VRTN: variants seen among roughly 807,000 people sequenced by gnomAD.
VRTN encodes vertebrae development associated.
In VRTN, 5 loss-of-function variants were observed where a neutral mutation model predicts 18.2. The observed-to-expected ratio is 0.27, with a 90% CI of 0.14 to 0.58. The LOEUF is 0.58. Ranked by LOEUF, VRTN falls within the 20% of genes least tolerant of loss-of-function variation. VRTN has a pLI of 0.91. For missense variants in VRTN, 741 were observed against 939.4 expected (o/e 0.79, Z 2.76); for synonymous variants, 381 against 393.7 (o/e 0.97, Z 0.38).
intron 1 of VRTN, among the ~76,000 whole-genome samples, chr14:74,324,906 C>CAATA (rs548370565): frequency 3.7e-3 from 562 of 151,384 alleles, no homozygotes; most frequent in African/African-American, 0.012. Context: ...ATAATAAATA[C>CAATA]AATAAATAAA....
At chr14:74,319,574 AGATTAT>A (rs200242418) in intron 1 of VRTN, among the ~76,000 whole-genome samples, 2,603 of 152,310 alleles carry the variant, frequency 0.017, 79 homozygotes, top group Admixed American at 0.088. Flanking sequence ...GGGAAAGAAC[AGATTAT>A]GTGTGAGGAA....
chr14:74,320,249 CTTTTTTTTTTTTTT>C (rs71115982), intron 1 of VRTN, among the ~76,000 whole-genome samples: 2 of 72,690 alleles, frequency 2.8e-5, no homozygotes, highest in African/African-American at 1.3e-4. Context: ...GATCCCATCC[CTTTTTTTTTTTTTT>C]TTTTTTTTTT....
intron 1 of VRTN, among the ~76,000 whole-genome samples, chr14:74,312,566 T>C (rs943940005): frequency 6.6e-6 from 1 of 152,000 alleles, no homozygotes; most frequent in African/African-American, 2.4e-5. Context: ...TCCTTCCACC[T>C]CAGCCTCCCG....
In VRTN at chr14:74,333,721, T is replaced by G. The variant is rs184873781; in HGVS notation, c.-163-4002T>G. ...CAGGCATGGTGGCGCATGCCTGTAA[T>G]TCCTGCTACTCTGGAGGCTGAGGTA... is the stretch of plus-strand genomic sequence containing the variant. On this transcript the variant is annotated intron_variant, in intron 1 of 2. Transcript: ENST00000557177. 4.8e-3 allele frequency among the ~76,000 whole-genome samples: 726 copies of G among 150,712 alleles called. 4 individuals carry two copies. Among genetic ancestry groups the G allele is most frequent in the African/African-American group, 0.017 (691 of 40,994 alleles).
chr14:74,303,058 C>T (rs2085138524), upstream of VRTN: 1 of 847,906 alleles, frequency 1.2e-6, no homozygotes, highest in African/African-American at 1.8e-5. Context: ...CCGGAAGCGA[C>T]CGACGTCTCT....
intron 1 of VRTN, among the ~76,000 whole-genome samples, chr14:74,337,236 G>C (rs1181431448): frequency 6.6e-6 from 1 of 152,028 alleles, no homozygotes; most frequent in South Asian, 2.1e-4. Flanking sequence ...CCAGCTATTC[G>C]GGAAGCTGAG....
chr14:74,317,708 A>G (rs914160515), intron 1 of VRTN, among the ~76,000 whole-genome samples: 6 of 152,152 alleles, frequency 3.9e-5, no homozygotes, highest in African/African-American at 1.4e-4. Context: ...AGGCTGAGGC[A>G]TGAGAATCAC....
intron 1 of VRTN, among the ~76,000 whole-genome samples, chr14:74,315,391 C>T (rs2085413990): frequency 6.6e-6 from 1 of 152,046 alleles, no homozygotes; most frequent in South Asian, 2.1e-4. Context: ...AGTGATAATT[C>T]GTTCAACATT....
rs146134450 is a variant in VRTN, at chr14:74,324,589, A to G, written c.-163-13134A>G. Among the ~76,000 whole-genome samples, 581 of 151,582 alleles carry G rather than the reference A, an allele frequency of 3.8e-3. 1 individual carries two copies. The highest frequency in any genetic ancestry group is 6.9e-3 in the South Asian group (33 of 4,794). ...CCCAAAGAGAGGGTTAATGGGGGAC[A>G]TTTAAATTCTCATTCAGGCCGGGTG... On this transcript the variant is annotated intron_variant, in intron 1 of 2. Coordinates refer to the VRTN transcript ENST00000557177.
rs755174109 is a variant in VRTN, at chr14:74,357,422, C to T, written c.639C>T (p.His213=). 2.6e-5 allele frequency: 42 copies of T among 1,612,774 alleles called. No homozygotes were observed. Among genetic ancestry groups the T allele is most frequent in the East Asian group, 8.9e-5 (4 of 44,862 alleles). The change falls in exon 2 of 2, where the codon CAC becomes CAT. Residue 213 remains histidine (H), a synonymous_variant. Transcript: ENST00000256362. The surrounding 1 kb of genome is among the most constrained non-coding windows in gnomAD (Gnocchi z 7.8). ...TCATCCGGCCCCGCCGCTGCGACCA[C>T]GTGCCCTCCACGCTGCACATCATGT... is the stretch of plus-strand genomic sequence containing the variant. The part of the protein sequence containing the change: ...NRVIRPRRCD[H]VPSTLHIMWA...
chr14:74,325,202 G>T (rs964126962), intron 1 of VRTN, among the ~76,000 whole-genome samples: 1 of 152,158 alleles, frequency 6.6e-6, no homozygotes, highest in Non-Finnish European at 1.5e-5. Context: ...GAGAAAATCA[G>T]CCTATACAGG....
At chr14:74,331,544 T>TTATATATGTA (rs2085524876) in intron 1 of VRTN, among the ~76,000 whole-genome samples, 1 of 43,450 alleles carries the variant, frequency 2.3e-5, no homozygotes, top group Admixed American at 3.6e-4. Flanking sequence ...AAAAAAAATT[T>TTATATATGTA]TATATATATA....
intron 1 of VRTN, among the ~76,000 whole-genome samples, chr14:74,322,353 T>C (rs1382757630): frequency 6.6e-6 from 1 of 152,024 alleles, no homozygotes; most frequent in Non-Finnish European, 1.5e-5. Context: ...TCTCACTGTG[T>C]TGCCCAGACA....
intron 1 of VRTN, among the ~76,000 whole-genome samples, chr14:74,320,487 C>A (rs1216428216): frequency 3.4e-5 from 5 of 145,528 alleles, no homozygotes; most frequent in African/African-American, 1.0e-4. Context: ...TGGTCTCGAT[C>A]TCCTGACCTT....
At chr14:74,348,067 T>C (rs770707745), upstream of VRTN, among the ~76,000 whole-genome samples, 8 of 152,170 alleles carry the variant, frequency 5.3e-5, no homozygotes, top group Non-Finnish European at 1.2e-4. Flanking sequence ...AGATGCATTT[T>C]GAGGGTTCAG....
At chr14:74,339,531 G>A (rs751336069) in intron 2 of VRTN, among the ~76,000 whole-genome samples, 5 of 152,120 alleles carry the variant, frequency 3.3e-5, no homozygotes, top group South Asian at 2.1e-4. Context: ...AAGAAATCAG[G>A]GTGGGCATGG....
intron 1 of VRTN, among the ~76,000 whole-genome samples, chr14:74,303,848 T>C (rs1191665704): frequency 1.4e-5 from 2 of 145,864 alleles, no homozygotes; most frequent in African/African-American, 5.3e-5. Flanking sequence ...TACAGATTTT[T>C]TTTTTTTTTT....
upstream of VRTN, among the ~76,000 whole-genome samples, chr14:74,344,406 T>C (rs1415227102): frequency 4.5e-5 from 1 of 22,402 alleles, no homozygotes; most frequent in Non-Finnish European, 7.0e-5. Flanking sequence ...CAAGACTGTC[T>C]CAAAAAAAAA....
At chr14:74,308,443 A>G (rs1239016421) in intron 1 of VRTN, among the ~76,000 whole-genome samples, 2 of 152,170 alleles carry the variant, frequency 1.3e-5, no homozygotes, top group Admixed American at 1.3e-4. Context: ...GCTCTAATCC[A>G]GTTTCTACAA....
Sources: gnomAD v4.1 joint callset for allele counts (sites outside exome capture counted in the v4.1 genomes callset) on GRCh38, gnomAD v4.1.1 for gene constraint, Gnocchi (gnomAD v3.1) non-coding constraint, MANE v1.5 for transcripts, NCBI Gene and HGNC (gene_info 2026-07-23, HGNC 2026-07-21) for gene names.